The following C10orf71 variants were observed in gnomAD, a reference collection of about 807,000 sequenced individuals.
C10orf71 encodes the protein cardiac-enriched FHL2-interacting protein.
For missense variants in C10orf71, 1,869 were observed against 1,804.5 expected (o/e 1.04, Z -0.65); for synonymous variants, 758 against 726.3 (o/e 1.04, Z -0.70).
chr10:49,315,388 T>A (rs1848982885), intron 1 of C10orf71, among the ~76,000 whole-genome samples: 1 of 152,182 alleles, frequency 6.6e-6, no homozygotes, highest in African/African-American at 2.4e-5. Flanking sequence ...AGCTTTTTGG[T>A]TCTTTTAGCT....
chr10:49,317,041 T>C (rs1334107738), intron 2 of C10orf71, among the ~76,000 whole-genome samples: 5 of 152,196 alleles, frequency 3.3e-5, no homozygotes, highest in African/African-American at 1.2e-4. Flanking sequence ...AACTAACCGA[T>C]TTTCATCTTA....
rs576453887 is a variant in C10orf71, at chr10:49,326,657, G to A, written c.4112G>A (p.Arg1371His). The A allele has an allele frequency of 2.9e-5, 45 of 1,550,320 alleles. No individual in the cohort carries two copies. In the South Asian group the frequency reaches 4.6e-4, roughly 16 times the overall value. ...CAGGGCCCTCGTGCCTCCGCGGCCC[G>A]CGCCAGGACCCAGAGTGTCCACGAG... ...LRQGPRASAA[R>H]ARTQSVHESG... The change falls in exon 3 of 3, where the codon CGC becomes CAC. Residue 1371 changes from arginine to histidine, a missense_variant. Arg to His is a conservative substitution (Grantham distance 29, BLOSUM62 0). Coordinates refer to ENST00000374144, the MANE Select transcript of C10orf71 (RefSeq NM_001135196.2).
At chr10:49,315,000 A>G (rs1468718303) in intron 1 of C10orf71, among the ~76,000 whole-genome samples, 2 of 152,204 alleles carry the variant, frequency 1.3e-5, no homozygotes, top group Non-Finnish European at 2.9e-5. Flanking sequence ...AGCAGCGATC[A>G]TCAGTTCCTG....
At chr10:49,297,102 A>G (rs1266305822), upstream of C10orf71, among the ~76,000 whole-genome samples, 1 of 152,228 alleles carries the variant, frequency 6.6e-6, no homozygotes, top group Non-Finnish European at 1.5e-5. Context: ...TGCTGTTTCT[A>G]GGATCCTAAA....
chr10:49,325,534 G>T lies in C10orf71; in HGVS notation c.2989G>T (p.Ala997Ser). ...TTCTGCAGACTCAGGGAAGCTGGCAGCCCCATGGCACATCCCCACCATTGC... is the reference window on the plus strand; with the variant it reads ...TTCTGCAGACTCAGGGAAGCTGGCATCCCCATGGCACATCCCCACCATTGC... The part of the protein sequence containing the change: ...SGSADSGKLA[A>S]PWHIPTIALP... The change falls in exon 3 of 3, where the codon GCC becomes TCC. Residue 997 changes from alanine to serine, a missense_variant. Transcript: ENST00000374144. 1.3e-6 allele frequency: 2 copies of T among 1,551,208 alleles called. No homozygotes were observed. The highest frequency in any genetic ancestry group is 1.7e-4 in the Middle Eastern group (1 of 5,986).
rs557175563 is a variant in C10orf71 at position 49,326,024 on chromosome 10, C to T, written c.3479C>T (p.Pro1160Leu). The change falls in exon 3 of 3, where the codon CCT (proline) becomes CTT (leucine). Residue 1160 changes from proline to leucine, a missense_variant. Transcript: ENST00000374144. ...GGCACCTCTGGGAGACTTGAGCTTC[C>T]TGCACAGCTAGAGAGGACAGCAAGC... ...PAGTSGRLEL[P>L]AQLERTASKP... 1 of 1,551,680 alleles carries T rather than the reference C, an allele frequency of 6.4e-7. No homozygotes were observed. Among genetic ancestry groups the T allele is most frequent in the East Asian group, 2.4e-5 (1 of 40,906 alleles).
chr10:49,325,912 T>C lies in C10orf71; in HGVS notation c.3367T>C (p.Ser1123Pro). 6.4e-7 allele frequency: 1 copy of C among 1,550,760 alleles called. No homozygotes were observed. The highest frequency in any genetic ancestry group is 8.7e-7 in the Non-Finnish European group (1 of 1,146,370). Residue 1123 changes from serine to proline, a missense_variant, in exon 3 of 3, where the codon TCT becomes CCT. Physicochemically the swap from Ser to Pro is moderately conservative, Grantham distance 74. Transcript: ENST00000374144. ...CCACGCCCTCGTGTGGGAGGGCGGC[T>C]CTGACCCCCTACTTGAGCTGTCGGC... ...LTHALVWEGG[S>P]DPLLELSAED...
intron 2 of C10orf71, among the ~76,000 whole-genome samples, chr10:49,319,788 T>G (rs11498453): frequency 4.5e-5 from 3 of 67,098 alleles, no homozygotes; most frequent in African/African-American, 1.4e-4. Flanking sequence ...CACACACACA[T>G]ATATAGTGGA....
Position 49,323,949 on chromosome 10 carries a change from C to A in C10orf71, c.1404C>A (p.Thr468=), listed in dbSNP as rs1464965126. 1.9e-6 allele frequency: 3 copies of A among 1,613,684 alleles called. No homozygotes were observed. The highest frequency in any genetic ancestry group is 3.3e-5 in the Admixed American group (2 of 59,986). ...DSADSQPAER[T]PSPPGQLNGY... is the part of the protein sequence containing the mutation. ...CAGACAGCCAGCCAGCAGAGCGAAC[C>A]CCATCACCCCCAGGACAGCTAAACG... The change falls in exon 3 of 3, where the codon ACC becomes ACA. Residue 468 remains threonine (T), a synonymous_variant. Coordinates refer to ENST00000374144, the MANE Select transcript of C10orf71 (RefSeq NM_001135196.2).
Position 49,322,392 on chromosome 10 carries a change from T to C in C10orf71, c.-144-10T>C. 1 of 861,960 alleles carries C rather than the reference T, an allele frequency of 1.2e-6. No individual in the cohort carries two copies. Among genetic ancestry groups the C allele is most frequent in the Non-Finnish European group, 1.7e-6 (1 of 579,812 alleles). The allele number at this position is 861,960 out of a possible 1,614,324, so 53.4% of individuals were successfully genotyped here. On this transcript the variant is annotated splice_polypyrimidine_tract_variant and intron_variant, in intron 2 of 2. Coordinates refer to ENST00000374144, the MANE Select transcript of C10orf71 (RefSeq NM_001135196.2). ...ACTTTGTTCACGCCCTGCACCTTTT[T>C]CTTTTGCAGAGAAAAAAAAAAATCC...
rs755096828 is a variant in C10orf71 at position 49,324,465 on chromosome 10, C to A, written c.1920C>A (p.Arg640=). The change falls in exon 3 of 3, where the codon CGC becomes CGA. Residue 640 remains arginine, a synonymous_variant. Transcript: ENST00000374144. ...GGTGTCCAGACTCCAGGGAACACCG[C>A]CCCAGGAAACACCTCTCCCTGAGGC... ...SSWCPDSREH[R]PRKHLSLRLC... is the part of the protein sequence containing the mutation. 2 of 1,607,324 alleles carry A rather than the reference C, an allele frequency of 1.2e-6. No individual in the cohort carries two copies. The highest frequency in any genetic ancestry group is 1.7e-6 in the Non-Finnish European group (2 of 1,176,574).
Position 49,327,093 on chromosome 10 carries a change from C to T in C10orf71, c.*240C>T. 7.1e-7 allele frequency: 1 copy of T among 1,406,984 alleles called. No individual in the cohort carries two copies. The highest frequency in any genetic ancestry group is 9.5e-7 in the Non-Finnish European group (1 of 1,052,080). 87.2% of individuals were successfully genotyped at this position (1,406,984 alleles called of 1,614,324 possible). On this transcript the variant is annotated 3_prime_UTR_variant, in exon 3 of 3. Transcript: ENST00000374144. ...GGGGCACTGCTTGCTTGGCCCGGTC[C>T]CCTCCGTGCCAGTTCCCAGGCGCAC... is the stretch of plus-strand genomic sequence containing the variant.
chr10:49,301,106 C>T (rs1830160400), intron 1 of C10orf71, among the ~76,000 whole-genome samples: 1 of 152,168 alleles, frequency 6.6e-6, no homozygotes, highest in Non-Finnish European at 1.5e-5. Context: ...CCAGAAATCT[C>T]AAGAACCCAA....
intron 1 of C10orf71, among the ~76,000 whole-genome samples, chr10:49,310,818 TGAA>T (rs536447518): frequency 3.3e-5 from 5 of 152,132 alleles, no homozygotes; most frequent in African/African-American, 1.2e-4. Flanking sequence ...ATGATGATGA[TGAA>T]GAAGAAGAAG....
rs1252495138 is a variant in C10orf71, at chr10:49,324,669, T to G, written c.2124T>G (p.Asp708Glu). The change falls in exon 3 of 3, where the codon GAT (aspartate) becomes GAG (glutamate). Residue 708 changes from aspartate (D) to glutamate (E), a missense_variant. Physicochemically the swap from Asp to Glu is conservative, Grantham distance 45. Transcript: ENST00000374144. ...GGCCCCTCTCTCCTGAGGAGGAAGATGTGTTTTACAGTGACAGCCAATCCG... is the reference window on the plus strand; with the variant it reads ...GGCCCCTCTCTCCTGAGGAGGAAGAGGTGTTTTACAGTGACAGCCAATCCG... The part of the protein sequence containing the change: ...FPGPLSPEEE[D>E]VFYSDSQSDF... The G allele has an allele frequency of 4.3e-6, 7 of 1,612,548 alleles. No homozygotes were observed. The highest frequency in any genetic ancestry group is 5.9e-6 in the Non-Finnish European group (7 of 1,179,340).
Position 49,322,899 on chromosome 10 carries a change from A to G in C10orf71, c.354A>G (p.Pro118=), listed in dbSNP as rs754492783. ...GEEKYPKTSP[P]PTPVQRRLEV... ...AAAAGTACCCCAAAACCAGCCCCCC[A>G]CCAACGCCAGTCCAGAGGAGACTGG... Residue 118 remains proline, a synonymous_variant, in exon 3 of 3, where the codon CCA becomes CCG. Coordinates refer to ENST00000374144, the MANE Select transcript of C10orf71 (RefSeq NM_001135196.2). 2 of 1,613,860 alleles carry G rather than the reference A, an allele frequency of 1.2e-6. No individual in the cohort carries two copies. The highest frequency in any genetic ancestry group is 8.5e-7 in the Non-Finnish European group (1 of 1,179,824).
chr10:49,298,787 A>C (rs1848676227), upstream of C10orf71: 1 of 152,188 alleles, frequency 6.6e-6, no homozygotes, highest in South Asian at 2.1e-4. Flanking sequence ...CTCCAAAAGC[A>C]CAGCAGAGGA....
Position 49,327,162 on chromosome 10 carries a change from GC to G in C10orf71, c.*312del. 1 of 801,982 alleles carries G rather than the reference GC, an allele frequency of 1.2e-6. No homozygotes were observed. 49.7% of individuals were successfully genotyped at this position (801,982 alleles called of 1,614,324 possible). On this transcript the variant is annotated 3_prime_UTR_variant, in exon 3 of 3. Coordinates refer to ENST00000374144, the MANE Select transcript of C10orf71 (RefSeq NM_001135196.2). ...CCTCCCTCCCTTCCTCCCTCTCCTGGCCCACCCTGCTCTTCCCTCGCCCTGC... is the reference window on the plus strand; with the variant it reads ...CCTCCCTCCCTTCCTCCCTCTCCTGGCCACCCTGCTCTTCCCTCGCCCTGC...
chr10:49,313,695 GGGA>G (rs1047214000), intron 1 of C10orf71, among the ~76,000 whole-genome samples: 1 of 152,102 alleles, frequency 6.6e-6, no homozygotes, highest in Non-Finnish European at 1.5e-5. Flanking sequence ...GAAAGGCACT[GGGA>G]GGAGGAGGAG....
Sources: allele counts gnomAD v4.1 joint callset (sites outside exome capture counted in the v4.1 genomes callset), GRCh38; gene constraint gnomAD v4.1.1; transcripts MANE v1.5; gene names NCBI Gene and HGNC (gene_info 2026-07-23, HGNC 2026-07-21).